Variants in SGCG observed in about 807,000 individuals in gnomAD.
SGCG encodes the protein gamma-sarcoglycan.
Under a neutral mutation model 29.3 loss-of-function variants are expected in SGCG, and 26 were observed. That is an observed-to-expected ratio of 0.89 (90% CI 0.65 to 1.23). The LOEUF is 1.23. Among genes scored for constraint, SGCG ranks in the 50% most tolerant of loss-of-function variants. The pLI, the probability that SGCG is intolerant of heterozygous loss-of-function variation, is 0.00. For missense variants in SGCG, 353 were observed against 356.0 expected, an observed-to-expected ratio of 0.99 and a Z score of 0.07; for synonymous variants, 145 against 129.7, an observed-to-expected ratio of 1.12 and a Z score of -0.80.
At chr13:23,162,316 G>A in the SGCG span, among the ~76,000 whole-genome samples, 5 of 152,110 alleles carry the variant, frequency 3.3e-5, no homozygotes, top group African/African-American at 9.7e-5. Context: ...GATGTTTACT[G>A]CTTAAGACTG....
At chr13:23,255,714 A>G (rs556338499) in intron 4 of SGCG, among the ~76,000 whole-genome samples, 1 of 152,158 alleles carries the variant, frequency 6.6e-6, no homozygotes, top group Non-Finnish European at 1.5e-5. Context: ...GTTGTTTAAG[A>G]GTCGGGGTTT....
At chr13:23,314,944 C>T (rs1382166017) in intron 6 of SGCG, among the ~76,000 whole-genome samples, 1 of 152,144 alleles carries the variant, frequency 6.6e-6, no homozygotes, top group Non-Finnish European at 1.5e-5. Context: ...CAAAAGGCTG[C>T]CAGTTTTTAG....
rs117926203 is a variant in SGCG at position 23,311,951 on chromosome 13, G to C, written c.579-8686G>C. On this transcript the variant is annotated intron_variant, in intron 6 of 7. Transcript: ENST00000218867. Reference sequence around the variant, plus strand: ...CCCAGTTCTCTAATTTGCTGTAAATGTGCATGTTTTCGTTGCTTTTTTGCA... The same window carrying C: ...CCCAGTTCTCTAATTTGCTGTAAATCTGCATGTTTTCGTTGCTTTTTTGCA... 3.2e-3 allele frequency among the ~76,000 whole-genome samples: 492 copies of C among 152,062 alleles called. 18 individuals are homozygous for C. The East Asian group carries it at 0.069, about 21-fold the overall frequency.
chr13:23,314,811 TTGC>T (rs1882746835), intron 6 of SGCG, among the ~76,000 whole-genome samples: 1 of 152,192 alleles, frequency 6.6e-6, no homozygotes, highest in African/African-American at 2.4e-5. Context: ...GAAGGATAAG[TTGC>T]TGCATTTGGC....
intron 7 of SGCG, among the ~76,000 whole-genome samples, chr13:23,322,297 A>G (rs933809395): frequency 3.9e-5 from 6 of 152,222 alleles, no homozygotes; most frequent in African/African-American, 1.4e-4. Flanking sequence ...AACAGGACAT[A>G]GGGTTTATTG....
At chr13:23,160,552 G>A in the SGCG span, among the ~76,000 whole-genome samples, 1 of 152,248 alleles carries the variant, frequency 6.6e-6, no homozygotes, top group Non-Finnish European at 1.5e-5. Flanking sequence ...GCAGAGGCCC[G>A]CGCTGTCTGG....
Position 23,279,344 on chromosome 13 carries a change from G to A in SGCG, c.386-15G>A. On this transcript the variant is annotated splice_polypyrimidine_tract_variant and intron_variant, in intron 4 of 7. Coordinates refer to ENST00000218867, the MANE Select transcript of SGCG (RefSeq NM_000231.3). ...TGTAGTGAACAGTTTATAATAAACT[G>A]TTTTAATTCTTCAGGTCCCAAAATG... 1 of 1,609,764 alleles carries A rather than the reference G, an allele frequency of 6.2e-7. No homozygotes were observed. Among genetic ancestry groups the A allele is most frequent in the Non-Finnish European group, 8.5e-7 (1 of 1,177,370 alleles).
chr13:23,288,938 A>G (rs1026494769), intron 5 of SGCG, among the ~76,000 whole-genome samples: 1 of 152,240 alleles, frequency 6.6e-6, no homozygotes, highest in Non-Finnish European at 1.5e-5. Context: ...AATAGTCCCA[A>G]TTCCATTTCT....
chr13:23,275,295 A>G (rs1014420843), intron 4 of SGCG, among the ~76,000 whole-genome samples: 1 of 151,840 alleles, frequency 6.6e-6, no homozygotes, highest in African/African-American at 2.4e-5. Flanking sequence ...TGGGCGGATC[A>G]CTTGAGGCCA....
chr13:23,288,255 CTG>C (rs1446127711), intron 5 of SGCG, among the ~76,000 whole-genome samples: 1 of 152,162 alleles, frequency 6.6e-6, no homozygotes, highest in African/African-American at 2.4e-5. Flanking sequence ...CAGCCTCACT[CTG>C]AGGACTGGAA....
chr13:23,241,515 C>T (rs926248328), intron 3 of SGCG, among the ~76,000 whole-genome samples: 2 of 152,238 alleles, frequency 1.3e-5, no homozygotes, highest in East Asian at 1.9e-4. Flanking sequence ...GACCAGAAGG[C>T]TTCACCGCTG....
chr13:23,320,390 C>T (rs1882987573), intron 6 of SGCG, among the ~76,000 whole-genome samples: 1 of 152,154 alleles, frequency 6.6e-6, no homozygotes, highest in African/African-American at 2.4e-5. Flanking sequence ...TTAGGACTGC[C>T]TAATGTTTTT....
chr13:23,177,479 A>G (rs1290525482), upstream of SGCG, among the ~76,000 whole-genome samples: 4 of 151,976 alleles, frequency 2.6e-5, no homozygotes, highest in Non-Finnish European at 4.4e-5. Context: ...CATGTATTGA[A>G]GTATCACGTT....
intron 2 of SGCG, chr13:23,217,567 C>T (rs565389482): frequency 2.0e-5 from 3 of 151,976 alleles, no homozygotes; most frequent in East Asian, 1.9e-4. Context: ...TTTTCTGTCC[C>T]GTGATTCTCT....
At chr13:23,210,532 A>C (rs1285582998) in intron 2 of SGCG, among the ~76,000 whole-genome samples, 1 of 152,138 alleles carries the variant, frequency 6.6e-6, no homozygotes, top group Non-Finnish European at 1.5e-5. Flanking sequence ...TCTACTAAAA[A>C]TACAAAACAT....
intron 3 of SGCG, among the ~76,000 whole-genome samples, chr13:23,241,848 G>A (rs867458477): frequency 6.6e-6 from 1 of 152,084 alleles, no homozygotes; most frequent in African/African-American, 2.4e-5. Context: ...TGGTCATCTC[G>A]ATAGATGCAG....
At chr13:23,257,564 G>A (rs1880247075) in intron 4 of SGCG, among the ~76,000 whole-genome samples, 1 of 152,086 alleles carries the variant, frequency 6.6e-6, no homozygotes, top group African/African-American at 2.4e-5. Flanking sequence ...GATCCCTTTT[G>A]TCAATTTTGA....
intron 1 of SGCG, among the ~76,000 whole-genome samples, chr13:23,200,574 C>T (rs541036504): frequency 3.8e-4 from 58 of 152,178 alleles, no homozygotes; most frequent in African/African-American, 1.3e-3. Flanking sequence ...AGTTGAAAAC[C>T]TCACCCTCTC....
intron 4 of SGCG, chr13:23,268,332 T>A (rs1405858286): frequency 1.3e-5 from 2 of 152,158 alleles, no homozygotes; most frequent in African/African-American, 4.8e-5. Context: ...ACATTGTGAC[T>A]AAAGAACCCC....
Sources: allele counts gnomAD v4.1 joint callset (sites outside exome capture counted in the v4.1 genomes callset), GRCh38; gene constraint gnomAD v4.1.1; transcripts MANE v1.5; gene names NCBI Gene and HGNC (gene_info 2026-07-23, HGNC 2026-07-21).